Variants in NALCN observed in about 807,000 individuals in gnomAD.
The protein encoded by NALCN is sodium leak channel NALCN.
In NALCN, 111 loss-of-function variants were observed where a neutral mutation model predicts 225.3. The ratio of observed to expected loss-of-function variants is 0.49; its 90% CI spans 0.42 to 0.58. The LOEUF (loss-of-function observed/expected upper bound fraction) is 0.58. Ranked by LOEUF, NALCN falls within the 20% of genes least tolerant of loss-of-function variation. NALCN has a pLI of 0.00. For synonymous variants in NALCN, 764 were observed against 769.0 expected (o/e 0.99, Z 0.11); for missense variants, 1,378 against 2,202.4 (o/e 0.63, Z 7.49).
rs1020565003 is a variant in NALCN, at chr13:101,103,258, G to C, written c.2971C>G (p.Leu991Val). The C allele has an allele frequency of 1.2e-6, 2 of 1,613,890 alleles. No individual in the cohort carries two copies. The highest frequency in any genetic ancestry group is 1.7e-6 in the Non-Finnish European group (2 of 1,179,928). Residue 991 changes from leucine to valine, a missense_variant, in exon 26 of 44, where the codon CTG becomes GTG. Physicochemically the swap from Leu to Val is conservative, Grantham distance 32. This residue lies in a region of NALCN where 292 missense variants were observed against 409.5 expected (regional missense o/e 0.71). Coordinates refer to ENST00000251127, the MANE Select transcript of NALCN (RefSeq NM_052867.4). Reference protein sequence around the residue: ...GAQLLMVLRCLRPLRIFKLVP... With the variant: ...GAQLLMVLRCVRPLRIFKLVP... Reference sequence around the variant, plus strand: ...AGTTTGAATATGCGCAGAGGTCTCAGGCACCGAAGGACCATTAGAAGCTGA... The same window carrying C: ...AGTTTGAATATGCGCAGAGGTCTCACGCACCGAAGGACCATTAGAAGCTGA...
chr13:101,169,158 G>C (rs530230297), intron 15 of NALCN, among the ~76,000 whole-genome samples: 1 of 152,078 alleles, frequency 6.6e-6, no homozygotes, highest in African/African-American at 2.4e-5. Flanking sequence ...GGTAGAAACA[G>C]TGTCCTGACC....
At chr13:101,410,867 G>T (rs1390810831) in intron 1 of NALCN, among the ~76,000 whole-genome samples, 1 of 152,112 alleles carries the variant, frequency 6.6e-6, no homozygotes, top group Admixed American at 6.5e-5. Flanking sequence ...TTTTAACCTA[G>T]GACTCCCTTT....
intron 13 of NALCN, among the ~76,000 whole-genome samples, chr13:101,207,007 A>G (rs1433010151): frequency 6.6e-6 from 1 of 152,144 alleles, no homozygotes; most frequent in Admixed American, 6.6e-5. Flanking sequence ...CTATGGTTGG[A>G]CAGAAAAACT....
chr13:101,190,475 A>G (rs984386209), intron 14 of NALCN, among the ~76,000 whole-genome samples: 3 of 152,220 alleles, frequency 2.0e-5, no homozygotes, highest in Admixed American at 1.3e-4. Flanking sequence ...TTGTGCAAAC[A>G]CCAGCACAGC....
chr13:101,347,823 C>T (rs2045788066), intron 6 of NALCN, among the ~76,000 whole-genome samples: 1 of 152,180 alleles, frequency 6.6e-6, no homozygotes, highest in African/African-American at 2.4e-5. Flanking sequence ...ATGCACTTTG[C>T]ATAGCACCTA....
Position 101,392,841 on chromosome 13 carries a change from T to C in NALCN, c.291+2342A>G, listed in dbSNP as rs981340579. 5.9e-5 allele frequency among the ~76,000 whole-genome samples: 9 copies of C among 152,306 alleles called. No homozygotes were observed. In the South Asian group the frequency reaches 1.7e-3, roughly 28 times the overall value. On this transcript the variant is annotated intron_variant, in intron 3 of 43. Coordinates refer to ENST00000251127, the MANE Select transcript of NALCN (RefSeq NM_052867.4). ...GTAAAGTAGCAGAATATAATATTAA[T>C]GTATAGAAACCAACAGCCTTCATTT...
rs752268852 is a variant in NALCN at position 101,345,422 on chromosome 13, T to G, written c.645-2A>C. The stretch of plus-strand genomic sequence containing the variant: ...GCTAAACTATTCCAGGTTACATTCC[T>G]GTGAACAACACATGAAAGTGTTAGA... On this transcript the variant is annotated splice_acceptor_variant, in intron 6 of 43. Coordinates refer to ENST00000251127, the MANE Select transcript of NALCN (RefSeq NM_052867.4). LOFTEE classifies it high-confidence loss of function. 1 of 1,612,098 alleles carries G rather than the reference T, an allele frequency of 6.2e-7. No individual in the cohort carries two copies.
chr13:101,293,450 TAA>T (rs751160303), intron 7 of NALCN, among the ~76,000 whole-genome samples: 1 of 152,156 alleles, frequency 6.6e-6, no homozygotes, highest in Non-Finnish European at 1.5e-5. Flanking sequence ...AAAATAAATA[TAA>T]GTTGTTATTC....
chr13:101,281,461 C>T (rs999535895), intron 10 of NALCN, among the ~76,000 whole-genome samples: 41 of 152,086 alleles, frequency 2.7e-4, no homozygotes, highest in African/African-American at 9.7e-4. Flanking sequence ...AGGTAAGAAG[C>T]TAGTACTATA....
At chr13:101,164,158 T>A (rs983588505) in intron 15 of NALCN, among the ~76,000 whole-genome samples, 1 of 152,214 alleles carries the variant, frequency 6.6e-6, no homozygotes, top group Non-Finnish European at 1.5e-5. Flanking sequence ...CACGTACCTA[T>A]TTGAGGGACA....
chr13:101,073,442 C>A, intron 37 of NALCN, 142 bp downstream of exon 37: 1 of 608,262 alleles, frequency 1.6e-6, no homozygotes, highest in South Asian at 3.4e-5. Context: ...TATAATAATG[C>A]AATTTTATGG....
chr13:101,296,972 T>C (rs9554770), intron 7 of NALCN, among the ~76,000 whole-genome samples: 10,737 of 152,304 alleles, frequency 0.07, 616 homozygotes, highest in East Asian at 0.25. Context: ...TAGTAGAGGA[T>C]ATTTTTTATA....
intron 6 of NALCN, among the ~76,000 whole-genome samples, chr13:101,360,640 C>G (rs552534659): frequency 2.2e-4 from 33 of 152,268 alleles, no homozygotes; most frequent in African/African-American, 7.9e-4. Context: ...GCCAATGCCC[C>G]TGACGACTCC....
intron 13 of NALCN, among the ~76,000 whole-genome samples, chr13:101,198,468 A>C (rs2039978979): frequency 1.3e-5 from 2 of 152,230 alleles, no homozygotes; most frequent in South Asian, 4.1e-4. Flanking sequence ...ACCCCATCAA[A>C]AAGTGGGCAA....
At chr13:101,283,864 A>ATTT in intron 10 of NALCN, 69 bp downstream of exon 10, 1 of 1,345,316 alleles carries the variant, frequency 7.4e-7, no homozygotes, top group Non-Finnish European at 1.0e-6. Context: ...AGAGCTGTGG[A>ATTT]TTTTCTTGGA....
chr13:101,194,626 G>A (rs1282426768), intron 13 of NALCN, among the ~76,000 whole-genome samples: 2 of 152,230 alleles, frequency 1.3e-5, no homozygotes, highest in African/African-American at 2.4e-5. Context: ...ATTGGGGATT[G>A]AGTGGAGTAA....
upstream of NALCN, chr13:101,416,511 G>GCGC (rs1190291414): frequency 1.3e-5 from 2 of 151,856 alleles, no homozygotes; most frequent in Non-Finnish European, 2.9e-5. Flanking sequence ...CACTCACTGA[G>GCGC]CGCCGCCGCC....
At chr13:101,174,965 TA>T (rs2038898058) in intron 15 of NALCN, among the ~76,000 whole-genome samples, 1 of 152,210 alleles carries the variant, frequency 6.6e-6, no homozygotes, top group African/African-American at 2.4e-5. Context: ...TGATCATGTC[TA>T]ATTATATGGC....
At chr13:101,133,738 T>C (rs2036626673) in intron 17 of NALCN, among the ~76,000 whole-genome samples, 1 of 152,202 alleles carries the variant, frequency 6.6e-6, no homozygotes, top group Admixed American at 6.5e-5. Flanking sequence ...AGGTGATTAA[T>C]GTGAGCATCA....
Sources: allele counts gnomAD v4.1 joint callset (sites outside exome capture counted in the v4.1 genomes callset), GRCh38; gene constraint gnomAD v4.1.1; regional missense constraint gnomAD v4.1.1; transcripts MANE v1.5; gene names NCBI Gene and HGNC (gene_info 2026-07-23, HGNC 2026-07-21).